Variants in CACNA2D1 observed in about 807,000 individuals in gnomAD.
The protein encoded by CACNA2D1 is voltage-dependent calcium channel subunit alpha-2/delta-1.
CACNA2D1 carries 53 observed loss-of-function variants against 171.5 expected under a neutral mutation model. The ratio of observed to expected loss-of-function variants is 0.31; its 90% CI spans 0.25 to 0.39. The LOEUF is 0.39. CACNA2D1 is among the 10% of genes least tolerant of loss of function. CACNA2D1 has a pLI of 1.00. For missense variants in CACNA2D1, 903 were observed against 1,299.8 expected, an observed-to-expected ratio of 0.69 and a Z score of 4.69; for synonymous variants, 442 against 443.1, an observed-to-expected ratio of 1.00 and a Z score of 0.03.
chr7:82,036,621 G>A (rs1280522316), intron 11 of CACNA2D1, among the ~76,000 whole-genome samples: 2 of 152,134 alleles, frequency 1.3e-5, no homozygotes, highest in Non-Finnish European at 2.9e-5. Flanking sequence ...TGTGGATGAT[G>A]ATTTAGCACT....
intron 12 of CACNA2D1, among the ~76,000 whole-genome samples, chr7:82,015,881 G>A (rs1800381873): frequency 6.6e-6 from 1 of 152,098 alleles, no homozygotes; most frequent in African/African-American, 2.4e-5. Context: ...CCCCCAAAAC[G>A]TACATCAGGG....
intron 6 of CACNA2D1, among the ~76,000 whole-genome samples, chr7:82,111,928 AT>A (rs1395352142): frequency 9.9e-5 from 15 of 152,182 alleles, no homozygotes; most frequent in Non-Finnish European, 1.8e-4. Flanking sequence ...AAATCAAAAT[AT>A]TTGTTAAATA....
intron 3 of CACNA2D1, among the ~76,000 whole-genome samples, chr7:82,292,193 T>C (rs1307337884): frequency 1.3e-5 from 2 of 152,148 alleles, no homozygotes; most frequent in Non-Finnish European, 2.9e-5. Context: ...TTATACATTC[T>C]CAGGTTCTCT....
At chr7:82,031,624 C>T (rs933371982) in intron 12 of CACNA2D1, among the ~76,000 whole-genome samples, 3 of 151,890 alleles carry the variant, frequency 2.0e-5, no homozygotes, top group African/African-American at 7.2e-5. Context: ...TTATTTCAGT[C>T]TTTTGATCAT....
intron 12 of CACNA2D1, among the ~76,000 whole-genome samples, chr7:82,018,713 T>G (rs1209276260): frequency 6.6e-6 from 1 of 152,146 alleles, no homozygotes; most frequent in Non-Finnish European, 1.5e-5. Context: ...CCAGGTGTGG[T>G]GGCTCATGCT....
At chr7:82,288,511 T>C (rs1160255156) in intron 3 of CACNA2D1, among the ~76,000 whole-genome samples, 2 of 152,082 alleles carry the variant, frequency 1.3e-5, no homozygotes, top group African/African-American at 2.4e-5. Context: ...ATACATTCTG[T>C]TGAGTCATCC....
At chr7:82,375,003 C>A (rs984496330) in intron 1 of CACNA2D1, among the ~76,000 whole-genome samples, 1 of 152,122 alleles carries the variant, frequency 6.6e-6, no homozygotes, top group African/African-American at 2.4e-5. Context: ...GTTTTCTAAT[C>A]CCCAACAAGC....
At chr7:82,199,207 G>A (rs1799163819) in intron 3 of CACNA2D1, among the ~76,000 whole-genome samples, 1 of 151,936 alleles carries the variant, frequency 6.6e-6, no homozygotes, top group Non-Finnish European at 1.5e-5. Context: ...TTGCATTACT[G>A]AGTTAATTAC....
chr7:82,039,581 T>C (rs1176518200), intron 10 of CACNA2D1, among the ~76,000 whole-genome samples: 1 of 152,220 alleles, frequency 6.6e-6, no homozygotes, highest in East Asian at 1.9e-4. Context: ...CCTCTCAATA[T>C]AGTATAATAA....
intron 1 of CACNA2D1, among the ~76,000 whole-genome samples, chr7:82,400,910 C>A (rs1260340300): frequency 2.6e-5 from 4 of 152,072 alleles, no homozygotes; most frequent in African/African-American, 4.8e-5. Context: ...TGAACAGACA[C>A]TTCTCAAAAG....
intron 12 of CACNA2D1, among the ~76,000 whole-genome samples, chr7:82,022,568 G>T (rs761498850): frequency 2.6e-5 from 4 of 151,742 alleles, no homozygotes; most frequent in Non-Finnish European, 5.9e-5. Flanking sequence ...AGAGACATTA[G>T]ATATGCAATA....
At chr7:82,032,572 T>A (rs1017601366) in intron 12 of CACNA2D1, among the ~76,000 whole-genome samples, 3 of 151,886 alleles carry the variant, frequency 2.0e-5, no homozygotes, top group African/African-American at 7.2e-5. Context: ...ATACATATAC[T>A]TTATTAACAT....
At chr7:82,164,103 G>A (rs1279040453) in intron 4 of CACNA2D1, among the ~76,000 whole-genome samples, 2 of 151,924 alleles carry the variant, frequency 1.3e-5, no homozygotes, top group Non-Finnish European at 2.9e-5. Flanking sequence ...CCAAAGCTGT[G>A]TACAGATATA....
intron 3 of CACNA2D1, among the ~76,000 whole-genome samples, chr7:82,308,471 G>T (rs1029663666): frequency 2.1e-4 from 32 of 152,070 alleles, no homozygotes; most frequent in Admixed American, 6.5e-5. Flanking sequence ...TTCATTCATG[G>T]GCTCCACCCT....
chr7:82,066,405 T>A, intron 8 of CACNA2D1, 50 bp downstream of exon 8: 1 of 1,603,228 alleles, frequency 6.2e-7, no homozygotes, highest in Non-Finnish European at 8.5e-7. Context: ...TTAGCAAATA[T>A]ATATCTTCTT....
chr7:82,291,771 C>T (rs149045903), intron 3 of CACNA2D1, among the ~76,000 whole-genome samples: 6,742 of 150,580 alleles, frequency 0.045, 194 homozygotes, highest in South Asian at 0.08. Context: ...TCCCAAAGTG[C>T]TGAGATTACA....
chr7:82,107,884 G>A (rs753608271), intron 6 of CACNA2D1, among the ~76,000 whole-genome samples: 12 of 151,992 alleles, frequency 7.9e-5, no homozygotes, highest in African/African-American at 1.9e-4. Context: ...GCGCCCAGCC[G>A]GAATTTCTTA....
chr7:82,297,406 T>C (rs998997342), intron 3 of CACNA2D1, among the ~76,000 whole-genome samples: 17 of 152,166 alleles, frequency 1.1e-4, no homozygotes, highest in Non-Finnish European at 2.2e-4. Context: ...AGATGTTGAA[T>C]GGCAAGCTAT....
rs568911960 is a variant in CACNA2D1 at position 82,291,575 on chromosome 7, A to G, written c.294+43560T>C. 7.1e-5 allele frequency among the ~76,000 whole-genome samples: 10 copies of G among 141,300 alleles called. No homozygotes were observed. In the South Asian group the frequency reaches 2.1e-3, roughly 30 times the overall value. 92.7% of individuals were successfully genotyped at this position (141,300 alleles called of 152,430 possible). On this transcript the variant is annotated intron_variant, in intron 3 of 38. Coordinates refer to ENST00000356860, the MANE Select transcript of CACNA2D1 (RefSeq NM_000722.4). ...TATATAAATATATATATTTATATTTATATATACTAGATATATAATATATAA... is the reference window on the plus strand; with the variant it reads ...TATATAAATATATATATTTATATTTGTATATACTAGATATATAATATATAA...
Sources: allele counts gnomAD v4.1 joint callset (sites outside exome capture counted in the v4.1 genomes callset), GRCh38; gene constraint gnomAD v4.1.1; transcripts MANE v1.5; gene names NCBI Gene and HGNC (gene_info 2026-07-23, HGNC 2026-07-21).